The following PDE8B variants were observed in gnomAD, a reference collection of about 807,000 sequenced individuals.
The protein encoded by PDE8B is high affinity cAMP-specific and IBMX-insensitive 3',5'-cyclic phosphodiesterase 8B.
A neutral mutation model predicts 101.3 loss-of-function variants in PDE8B; 26 were observed. The ratio of observed to expected loss-of-function variants is 0.26; its 90% CI spans 0.19 to 0.36. The LOEUF (loss-of-function observed/expected upper bound fraction) is 0.36. Ranked by LOEUF, PDE8B falls within the 10% of genes least tolerant of loss-of-function variation. The pLI is 1.00. For missense variants in PDE8B, 810 were observed against 1,163.1 expected (o/e 0.70, Z 4.42); for synonymous variants, 424 against 429.3 (o/e 0.99, Z 0.15).
the PDE8B span, chr5:77,112,092 G>A: frequency 1.3e-5 from 2 of 151,976 alleles, no homozygotes; most frequent in Non-Finnish European, 2.9e-5. Context: ...ACATTTTTCT[G>A]TACCAAATAT....
At chr5:77,143,538 T>G in the PDE8B span, among the ~76,000 whole-genome samples, 1 of 152,100 alleles carries the variant, frequency 6.6e-6, no homozygotes, top group Admixed American at 6.6e-5. Flanking sequence ...GGCCCATAAG[T>G]GGAAGATGTT....
intron 20 of PDE8B, among the ~76,000 whole-genome samples, chr5:77,425,020 A>G (rs1797709717): frequency 6.6e-6 from 1 of 152,154 alleles, no homozygotes; most frequent in African/African-American, 2.4e-5. Flanking sequence ...AACATGTGGC[A>G]GCAAATAATA....
chr5:77,114,141 C>G, the PDE8B span: 2 of 152,104 alleles, frequency 1.3e-5, no homozygotes, highest in East Asian at 3.9e-4. Flanking sequence ...TACCATTTGA[C>G]CCAGCAATTC....
chr5:77,216,046 C>T (rs181720156), intron 1 of PDE8B, among the ~76,000 whole-genome samples: 103 of 152,282 alleles, frequency 6.8e-4, no homozygotes, highest in African/African-American at 2.4e-3. Flanking sequence ...GACACAAGAC[C>T]AACCAACCAG....
chr5:77,398,216 T>C (rs1463935702), intron 10 of PDE8B, among the ~76,000 whole-genome samples: 1 of 150,948 alleles, frequency 6.6e-6, no homozygotes, highest in Non-Finnish European at 1.5e-5. Context: ...TGTAAACATA[T>C]ACAGCCCAAA....
chr5:77,117,486 C>A, the PDE8B span, among the ~76,000 whole-genome samples: 7 of 152,106 alleles, frequency 4.6e-5, no homozygotes, highest in Non-Finnish European at 8.8e-5. Flanking sequence ...CTCACTGTCA[C>A]CCCAACCACT....
At chr5:77,201,055 A>G in the PDE8B span, among the ~76,000 whole-genome samples, 2 of 152,238 alleles carry the variant, frequency 1.3e-5, no homozygotes, top group African/African-American at 2.4e-5. Flanking sequence ...AGAAGGTACT[A>G]AAGAAGCAGG....
chr5:77,381,589 A>C (rs1452124230), intron 10 of PDE8B, among the ~76,000 whole-genome samples: 1 of 152,060 alleles, frequency 6.6e-6, no homozygotes, highest in Non-Finnish European at 1.5e-5. Flanking sequence ...GTTGCTAAAA[A>C]GTCTCATGAT....
intron 1 of PDE8B, among the ~76,000 whole-genome samples, chr5:77,311,366 A>G (rs1772573614): frequency 6.6e-6 from 1 of 152,256 alleles, no homozygotes; most frequent in East Asian, 1.9e-4. Flanking sequence ...GTTGTGGGGC[A>G]GAGACAAGCC....
rs185004989 is a variant in PDE8B at position 77,354,961 on chromosome 5, C to G, written c.1167+1555C>G. Among the ~76,000 whole-genome samples the G allele has an allele frequency of 4.6e-5, 7 of 152,370 alleles. No individual in the cohort carries two copies. In the East Asian group the frequency reaches 1.4e-3, roughly 29 times the overall value. On this transcript the variant is annotated intron_variant, in intron 10 of 21. Coordinates refer to ENST00000264917, the MANE Select transcript of PDE8B (RefSeq NM_003719.5). ...CCGCCATCATCTTCACAGCTATTTG[C>G]GTGCTAAACTGCCCTCTCCCCTCTA...
At chr5:77,272,799 A>G (rs1763060039) in intron 1 of PDE8B, among the ~76,000 whole-genome samples, 1 of 152,206 alleles carries the variant, frequency 6.6e-6, no homozygotes, top group Non-Finnish European at 1.5e-5. Flanking sequence ...GGTCCTAGCA[A>G]GAGCCATATG....
At chr5:77,153,835 A>G in the PDE8B span, among the ~76,000 whole-genome samples, 2 of 152,128 alleles carry the variant, frequency 1.3e-5, no homozygotes, top group South Asian at 4.1e-4. Flanking sequence ...TCAGCCTCCC[A>G]AAGTGTTGGG....
intron 10 of PDE8B, among the ~76,000 whole-genome samples, chr5:77,371,736 G>A (rs1785114865): frequency 6.6e-6 from 1 of 152,148 alleles, no homozygotes; most frequent in African/African-American, 2.4e-5. Context: ...TTTTATGTTT[G>A]TTTGGATCTT....
At chr5:77,331,326 GCT>G in intron 4 of PDE8B, 74 bp from the exon 5 acceptor site, 1 of 1,307,264 alleles carries the variant, frequency 7.6e-7, no homozygotes. Context: ...TGGCCTCATT[GCT>G]CTCTCTCCGT....
intron 10 of PDE8B, among the ~76,000 whole-genome samples, chr5:77,396,548 C>G (rs181541033): frequency 6.6e-6 from 1 of 152,352 alleles, no homozygotes; most frequent in Non-Finnish European, 1.5e-5. Flanking sequence ...CACAGCACAG[C>G]TACAGCTCCA....
chr5:77,325,315 G>A (rs1185489788), intron 2 of PDE8B, among the ~76,000 whole-genome samples: 1 of 152,166 alleles, frequency 6.6e-6, no homozygotes, highest in African/African-American at 2.4e-5. Flanking sequence ...CCACAGGCAT[G>A]TGCTACTGTG....
intron 19 of PDE8B, among the ~76,000 whole-genome samples, chr5:77,420,589 C>G (rs1361949490): frequency 6.6e-6 from 1 of 152,014 alleles, no homozygotes; most frequent in Non-Finnish European, 1.5e-5. Context: ...GAGTAACTTG[C>G]TCAGTAAGGA....
chr5:77,388,993 C>T (rs1341919968), intron 10 of PDE8B, among the ~76,000 whole-genome samples: 5 of 152,174 alleles, frequency 3.3e-5, no homozygotes, highest in South Asian at 4.1e-4. Context: ...GCCAGTGGAT[C>T]TGAGCTTTCT....
chr5:77,231,717 A>G (rs892376021), intron 1 of PDE8B, among the ~76,000 whole-genome samples: 6 of 152,240 alleles, frequency 3.9e-5, no homozygotes, highest in African/African-American at 1.4e-4. Context: ...GTGTGAGCAT[A>G]GATAAGGAAA....
Sources: gnomAD v4.1 joint callset for allele counts (sites outside exome capture counted in the v4.1 genomes callset) on GRCh38, gnomAD v4.1.1 for gene constraint, MANE v1.5 for transcripts, NCBI Gene and HGNC (gene_info 2026-07-23, HGNC 2026-07-21) for gene names.